The following DGKI variants were observed in gnomAD, a reference collection of about 807,000 sequenced individuals.
DGKI encodes the protein DAG kinase iota.
A neutral mutation model predicts 147.5 loss-of-function variants in DGKI; 55 were observed. The ratio of observed to expected loss-of-function variants is 0.37; its 90% CI spans 0.30 to 0.47. DGKI has a LOEUF of 0.47. Ranked by LOEUF, DGKI falls within the 20% of genes least tolerant of loss-of-function variation. DGKI has a pLI of 1.00. For missense variants in DGKI, 1,007 were observed against 1,323.8 expected, an observed-to-expected ratio of 0.76 and a Z score of 3.71; for synonymous variants, 469 against 477.1, an observed-to-expected ratio of 0.98 and a Z score of 0.22.
chr7:137,640,473 G>A (rs1235709703), intron 6 of DGKI, among the ~76,000 whole-genome samples: 1 of 152,092 alleles, frequency 6.6e-6, no homozygotes, highest in African/African-American at 2.4e-5. Flanking sequence ...ACTGGGAGAG[G>A]ATTCCTTTGC....
At chr7:137,737,204 C>CAAAAAAAAAAA (rs763572711) in intron 1 of DGKI, among the ~76,000 whole-genome samples, 28 of 83,406 alleles carry the variant, frequency 3.4e-4, no homozygotes, top group African/African-American at 6.3e-4. Context: ...CTCATTTCAC[C>CAAAAAAAAAAA]AAAAAAAAAA....
Position 137,781,046 on chromosome 7 carries a change from A to G in DGKI, c.401+65416T>C, listed in dbSNP as rs185387970. Among the ~76,000 whole-genome samples, 15 of 152,358 alleles carry G rather than the reference A, an allele frequency of 9.8e-5. 1 individual carries two copies. In the South Asian group the frequency reaches 1.7e-3, roughly 17 times the overall value. The stretch of plus-strand genomic sequence containing the variant: ...TGAACCACATCTGACATCAGACATG[A>G]TAGCATCTAGGCTTGCTGGCTGTTT... On this transcript the variant is annotated intron_variant, in intron 1 of 32. Transcript: ENST00000614521.
chr7:137,815,900 C>T (rs1324924154), intron 1 of DGKI, among the ~76,000 whole-genome samples: 1 of 151,908 alleles, frequency 6.6e-6, no homozygotes, highest in Non-Finnish European at 1.5e-5. Flanking sequence ...TATTATAGGC[C>T]CTTATATATT....
intron 30 of DGKI, among the ~76,000 whole-genome samples, chr7:137,404,728 A>G (rs1380626683): frequency 6.6e-6 from 1 of 152,170 alleles, no homozygotes; most frequent in African/African-American, 2.4e-5. Context: ...TGATTAATTT[A>G]TAACATCTAA....
At chr7:137,686,462 C>A (rs2116436100) in intron 2 of DGKI, among the ~76,000 whole-genome samples, 1 of 152,250 alleles carries the variant, frequency 6.6e-6, no homozygotes, top group African/African-American at 2.4e-5. Flanking sequence ...ATATCTATTG[C>A]CGAAAAATCT....
chr7:137,529,634 A>G (rs1037667100), intron 20 of DGKI, among the ~76,000 whole-genome samples: 10 of 152,218 alleles, frequency 6.6e-5, no homozygotes, highest in Non-Finnish European at 1.3e-4. Context: ...TAGACATACT[A>G]ACAACCTTGA....
At chr7:137,539,486 C>T (rs1817619676) in intron 20 of DGKI, among the ~76,000 whole-genome samples, 1 of 152,014 alleles carries the variant, frequency 6.6e-6, no homozygotes, top group Admixed American at 6.6e-5. Context: ...ACTTTGGGAA[C>T]TGAACTACAG....
At chr7:137,843,278 T>TA (rs67512711) in intron 1 of DGKI, 4,324 of 258,626 alleles carry the variant, frequency 0.017, 1 homozygote, top group Non-Finnish European at 0.022. Flanking sequence ...TACAGCAGTT[T>TA]AAAAAAAAAA....
chr7:137,589,231 G>GT (rs1314992427), intron 12 of DGKI, among the ~76,000 whole-genome samples: 1 of 152,236 alleles, frequency 6.6e-6, no homozygotes. Context: ...CAGAGTCATG[G>GT]TAACGTTGGT....
chr7:137,741,815 T>C (rs538450800), intron 1 of DGKI, among the ~76,000 whole-genome samples: 1 of 152,346 alleles, frequency 6.6e-6, no homozygotes, highest in African/African-American at 2.4e-5. Context: ...TGGAAAAGCA[T>C]GGTCAACAGT....
chr7:137,485,265 C>CTCTA lies in DGKI; in HGVS notation c.2373+105_2373+108dup, dbSNP rs1815513053. On this transcript the variant is annotated intron_variant, in intron 23 of 32. Coordinates refer to ENST00000614521, the MANE Select transcript of DGKI (RefSeq NM_001321708.2). ...ATTTTCACTAGATTCTTAGAATGAA[C>CTCTA]TCTATCCCTAGGGAAGATGTGAACT... is the stretch of plus-strand genomic sequence containing the variant. The CTCTA allele has an allele frequency of 1.4e-5, 12 of 866,374 alleles. No homozygotes were observed. The East Asian group carries it at 3.2e-4, about 23-fold the overall frequency. The allele number at this position is 866,374 out of a possible 1,614,324, so 53.7% of individuals were successfully genotyped here.
intron 21 of DGKI, among the ~76,000 whole-genome samples, chr7:137,497,420 C>T (rs1816008168): frequency 6.6e-6 from 1 of 152,044 alleles, no homozygotes; most frequent in African/African-American, 2.4e-5. Context: ...TAGCACTTGA[C>T]CCAGCAATCT....
chr7:137,548,339 C>A (rs917913696), intron 20 of DGKI, among the ~76,000 whole-genome samples: 2 of 152,126 alleles, frequency 1.3e-5, no homozygotes, highest in Non-Finnish European at 2.9e-5. Context: ...CCATCCAAAT[C>A]TCATGTTGAA....
At chr7:137,729,203 T>C (rs181113256) in intron 1 of DGKI, among the ~76,000 whole-genome samples, 25 of 152,280 alleles carry the variant, frequency 1.6e-4, no homozygotes, top group African/African-American at 5.8e-4. Flanking sequence ...CAAAGACATT[T>C]CAACCCAAAT....
chr7:137,830,739 A>G (rs1215804875), intron 1 of DGKI, among the ~76,000 whole-genome samples: 1 of 152,206 alleles, frequency 6.6e-6, no homozygotes. Flanking sequence ...AGGAAAGGGT[A>G]TTATCCTGAA....
rs930678784 is a variant in DGKI at position 137,387,098 on chromosome 7, C to A, written c.*4122G>T. 1 of 152,118 alleles carries A rather than the reference C, an allele frequency of 6.6e-6. No homozygotes were observed. The highest frequency in any genetic ancestry group is 2.4e-5 in the African/African-American group (1 of 41,440). 9.4% of individuals were successfully genotyped at this position (152,118 alleles called of 1,614,324 possible). On this transcript the variant is annotated 3_prime_UTR_variant, in exon 33 of 33. Coordinates refer to ENST00000614521, the MANE Select transcript of DGKI (RefSeq NM_001321708.2). Reference sequence around the variant, plus strand: ...ACCCCCATACTACACTGAAGTTACACCTTCCCGGAAGTAGCCTGCCCTAAT... The same window carrying A: ...ACCCCCATACTACACTGAAGTTACAACTTCCCGGAAGTAGCCTGCCCTAAT...
chr7:137,602,467 A>G (rs1220471692), intron 10 of DGKI, among the ~76,000 whole-genome samples: 6 of 152,210 alleles, frequency 3.9e-5, no homozygotes, highest in South Asian at 2.1e-4. Flanking sequence ...CCCTGTTGAA[A>G]TTGACATTCA....
chr7:137,493,948 G>A, intron 21 of DGKI: 2 of 554,256 alleles, frequency 3.6e-6, no homozygotes, highest in Non-Finnish European at 6.4e-6. Context: ...AAATGATACA[G>A]CAGATGAAAG....
At position 137,549,408 on chromosome 7, in the gene DGKI, C is replaced by T. The variant is rs1032812439; in HGVS notation, c.2147+2961G>A. Among the ~76,000 whole-genome samples the T allele has an allele frequency of 5.3e-5, 8 of 152,088 alleles. No individual in the cohort carries two copies. The East Asian group carries it at 5.8e-4, about 11-fold the overall frequency. ...TACGGGAGCCACAGCACTTACGTCT[C>T]GAATATCCAATTAACATGCTGTGTG... On this transcript the variant is annotated intron_variant, in intron 20 of 32. Coordinates refer to ENST00000614521, the MANE Select transcript of DGKI (RefSeq NM_001321708.2).
Sources: allele counts gnomAD v4.1 joint callset (sites outside exome capture counted in the v4.1 genomes callset), GRCh38; gene constraint gnomAD v4.1.1; transcripts MANE v1.5; gene names NCBI Gene and HGNC (gene_info 2026-07-23, HGNC 2026-07-21).